XRCC4: variants seen among roughly 807,000 people sequenced by gnomAD.
XRCC4 encodes the protein DNA repair protein XRCC4.
Under a neutral mutation model 39.1 loss-of-function variants are expected in XRCC4, and 28 were observed. The ratio of observed to expected loss-of-function variants is 0.72; its 90% confidence interval spans 0.53 to 0.98. The LOEUF (loss-of-function observed/expected upper bound fraction) is 0.98. Ranked by LOEUF, XRCC4 falls within the 50% of genes least tolerant of loss-of-function variation. The pLI is 0.00. For synonymous variants in XRCC4, 123 were observed against 126.4 expected (o/e 0.97, Z 0.18); for missense variants, 350 against 376.4 (o/e 0.93, Z 0.58).
the XRCC4 span, among the ~76,000 whole-genome samples, chr5:83,362,065 T>A: frequency 6.6e-6 from 1 of 152,060 alleles, no homozygotes; most frequent in Non-Finnish European, 1.5e-5. Flanking sequence ...AACATGTTTT[T>A]ATGTAACACA....
rs571170324 is a variant in XRCC4, at chr5:83,267,550, C to A, written c.893+8873C>A. 5.2e-4 allele frequency among the ~76,000 whole-genome samples: 79 copies of A among 152,272 alleles called. 1 individual carries two copies. The South Asian group carries it at 9.5e-3, about 18-fold the overall frequency. ...AACGATTGGGCATACATTCCTATGT[C>A]TCTTTCTTCCTTCTCAGCCATTTAA... On this transcript the variant is annotated intron_variant, in intron 7 of 7. Transcript: ENST00000396027.
intron 7 of XRCC4, among the ~76,000 whole-genome samples, chr5:83,268,799 A>G (rs560473039): frequency 6.6e-6 from 1 of 152,292 alleles, no homozygotes; most frequent in Non-Finnish European, 1.5e-5. Flanking sequence ...ACCATGATAT[A>G]TGATGTTCTA....
At chr5:83,215,705 C>T (rs773570241) in intron 6 of XRCC4, among the ~76,000 whole-genome samples, 5 of 152,152 alleles carry the variant, frequency 3.3e-5, no homozygotes, top group African/African-American at 7.2e-5. Context: ...AGCACAGCTG[C>T]GAAGACAATT....
In XRCC4 at chr5:83,138,159, A is replaced by C. The variant is rs147684623; in HGVS notation, c.315+26956A>C. Among the ~76,000 whole-genome samples the C allele has an allele frequency of 1.4e-4, 22 of 152,252 alleles. No individual in the cohort carries two copies. In the East Asian group the frequency reaches 4.2e-3, roughly 29 times the overall value. On this transcript the variant is annotated intron_variant, in intron 3 of 7. Transcript: ENST00000396027. ...CATTGGGGTGATGTTTCTCATTTAG[A>C]AGGGCCTCAAACATATGCTTCTGAT... is the stretch of plus-strand genomic sequence containing the variant.
chr5:83,300,710 C>T (rs1470296461), intron 7 of XRCC4, among the ~76,000 whole-genome samples: 1 of 151,694 alleles, frequency 6.6e-6, no homozygotes, highest in Non-Finnish European at 1.5e-5. Flanking sequence ...AGGTATTTCT[C>T]CTAATGCTAT....
intron 6 of XRCC4, among the ~76,000 whole-genome samples, chr5:83,243,783 T>A (rs564658596): frequency 7.2e-5 from 11 of 152,198 alleles, no homozygotes; most frequent in Admixed American, 3.9e-4. Flanking sequence ...AAGCAAGAGA[T>A]TGGAAAATTG....
intron 1 of XRCC4, among the ~76,000 whole-genome samples, chr5:83,103,025 T>TATATATATATATATATATATATAC (rs943955057): frequency 1.3e-4 from 18 of 142,670 alleles, no homozygotes; most frequent in African/African-American, 4.7e-4. Context: ...TATATATATA[T>TATATATATATATATATATATATAC]ATATATGTCA....
At chr5:83,237,814 CT>C (rs961778013) in intron 6 of XRCC4, among the ~76,000 whole-genome samples, 5 of 151,684 alleles carry the variant, frequency 3.3e-5, no homozygotes, top group African/African-American at 2.4e-5. Flanking sequence ...ATTGTGTGCT[CT>C]TTTTTTTACA....
At chr5:83,131,234 G>T (rs11955596) in intron 3 of XRCC4, among the ~76,000 whole-genome samples, 1 of 152,150 alleles carries the variant, frequency 6.6e-6, no homozygotes, top group Admixed American at 6.5e-5. Flanking sequence ...TTTACCCGTA[G>T]TCATTCAGGG....
chr5:83,146,865 T>G (rs1260044665), intron 3 of XRCC4, among the ~76,000 whole-genome samples: 1 of 152,200 alleles, frequency 6.6e-6, no homozygotes, highest in Non-Finnish European at 1.5e-5. Context: ...TTCTTTGTGA[T>G]TTTGTCCACA....
rs187899288 is a variant in XRCC4, at chr5:83,280,462, T to C, written c.893+21785T>C. 58 of 773,594 alleles carry C rather than the reference T, an allele frequency of 7.5e-5. No individual in the cohort carries two copies. In the Admixed American group the frequency reaches 9.0e-4, roughly 12 times the overall value. The allele number at this position is 773,594 out of a possible 1,614,324, so 47.9% of individuals were successfully genotyped here. A position where few individuals can be genotyped will look rare whatever the true frequency, so the allele number is the denominator to read the frequency against. On this transcript the variant is annotated intron_variant, in intron 7 of 7. Transcript: ENST00000396027. ...GAAGAAAGTTCTTGCACATATCTCC[T>C]TAGGCAAAATTGAGGTATGTAGTAG... is the stretch of plus-strand genomic sequence containing the variant.
intron 3 of XRCC4, among the ~76,000 whole-genome samples, chr5:83,169,939 C>G (rs1421958015): frequency 6.6e-6 from 1 of 152,082 alleles, no homozygotes; most frequent in African/African-American, 2.4e-5. Context: ...TATTTCTACC[C>G]TAATTATTGA....
chr5:83,133,697 G>A (rs963425240), intron 3 of XRCC4, among the ~76,000 whole-genome samples: 1 of 152,160 alleles, frequency 6.6e-6, no homozygotes, highest in Non-Finnish European at 1.5e-5. Context: ...CCAGGCGTGG[G>A]ATATAATCTC....
chr5:83,242,350 G>T (rs1056004483), intron 6 of XRCC4, among the ~76,000 whole-genome samples: 1 of 152,042 alleles, frequency 6.6e-6, no homozygotes, highest in Non-Finnish European at 1.5e-5. Flanking sequence ...TAAATATGAA[G>T]TTCTGAGATT....
chr5:83,324,859 A>T (rs576295596), intron 7 of XRCC4, among the ~76,000 whole-genome samples: 8 of 152,274 alleles, frequency 5.3e-5, no homozygotes, highest in South Asian at 2.1e-4. Flanking sequence ...TTCAAGAACA[A>T]AGCCACTTTA....
Position 83,353,297 on chromosome 5 carries a change from TA to T in XRCC4, c.*59del, listed in dbSNP as rs952663383. On this transcript the variant is annotated 3_prime_UTR_variant, in exon 8 of 8. Coordinates refer to ENST00000396027, the MANE Select transcript of XRCC4 (RefSeq NM_003401.5). ...AGACTATGTTTTCTATTCATTTCTT[TA>T]AAATGAAAAAGGAGAATTTCAAGTC... The T allele has an allele frequency of 5.2e-6, 7 of 1,346,408 alleles. No individual in the cohort carries two copies. Among genetic ancestry groups the T allele is most frequent in the Non-Finnish European group, 7.1e-6 (7 of 979,614 alleles). 83.4% of individuals were successfully genotyped at this position (1,346,408 alleles called of 1,614,324 possible). A position where few individuals can be genotyped will look rare whatever the true frequency, so the allele number is the denominator to read the frequency against.
At chr5:83,096,934 C>G (rs781175591) in intron 1 of XRCC4, among the ~76,000 whole-genome samples, 2 of 152,164 alleles carry the variant, frequency 1.3e-5, no homozygotes, top group African/African-American at 2.4e-5. Flanking sequence ...TGACCTCACT[C>G]CTGATCTGCA....
intron 1 of XRCC4, among the ~76,000 whole-genome samples, chr5:83,092,554 G>T (rs566287731): frequency 1.3e-5 from 2 of 152,070 alleles, no homozygotes; most frequent in African/African-American, 4.8e-5. Flanking sequence ...CAGGGTTAAA[G>T]GACAAAATTA....
intron 6 of XRCC4, among the ~76,000 whole-genome samples, chr5:83,223,745 A>C (rs1362660271): frequency 6.6e-6 from 1 of 151,872 alleles, no homozygotes; most frequent in Admixed American, 6.6e-5. Context: ...GGTTTGTTAC[A>C]TATGTATACA....
Sources: allele counts gnomAD v4.1 joint callset (sites outside exome capture counted in the v4.1 genomes callset), GRCh38; gene constraint gnomAD v4.1.1; transcripts MANE v1.5; gene names NCBI Gene and HGNC (gene_info 2026-07-23, HGNC 2026-07-21).